Variants in OCA2 observed in about 807,000 individuals in gnomAD.
The protein encoded by OCA2 is P protein.
A neutral mutation model predicts 100.2 loss-of-function variants in OCA2; 77 were observed. That is an observed-to-expected ratio of 0.77 (90% CI 0.64 to 0.93). OCA2 has a LOEUF of 0.93. Ranked by LOEUF, OCA2 falls within the 40% of genes least tolerant of loss-of-function variation. The pLI is 0.00. For missense variants in OCA2, 1,062 were observed against 1,089.1 expected (o/e 0.98, Z 0.35); for synonymous variants, 432 against 439.2 (o/e 0.98, Z 0.21).
At chr15:27,800,785 TA>T (rs1406435151) in intron 23 of OCA2, among the ~76,000 whole-genome samples, 2 of 142,934 alleles carry the variant, frequency 1.4e-5, no homozygotes, top group Non-Finnish European at 3.0e-5. Context: ...GGCAACATGG[TA>T]AAACCCTATC....
chr15:27,769,091 C>T (rs539830636), intron 23 of OCA2, among the ~76,000 whole-genome samples: 1 of 152,170 alleles, frequency 6.6e-6, no homozygotes, highest in Non-Finnish European at 1.5e-5. Context: ...TGTCTTGCAC[C>T]CTAAGCCTCT....
intron 22 of OCA2, among the ~76,000 whole-genome samples, chr15:27,850,334 G>C (rs139420023): frequency 6.6e-6 from 1 of 152,168 alleles, no homozygotes; most frequent in Non-Finnish European, 1.5e-5. Flanking sequence ...ACAGCAGGGG[G>C]GTGAATTCAC....
intron 19 of OCA2, among the ~76,000 whole-genome samples, chr15:27,919,933 A>T (rs1466885168): frequency 6.6e-6 from 1 of 152,196 alleles, no homozygotes; most frequent in African/African-American, 2.4e-5. Context: ...TGTGAACCTA[A>T]AACTATTCTT....
At chr15:27,985,244 G>C in intron 12 of OCA2, 56 bp from the exon 13 acceptor site, 4 of 1,605,390 alleles carry the variant, frequency 2.5e-6, no homozygotes, top group Non-Finnish European at 2.6e-6. Context: ...TCGTAGAACA[G>C]AGGCAGCCTT....
intron 9 of OCA2, among the ~76,000 whole-genome samples, chr15:27,993,432 G>T (rs529121245): frequency 5.6e-4 from 86 of 152,276 alleles, no homozygotes; most frequent in African/African-American, 2.0e-3. Flanking sequence ...TCCTCGTGGG[G>T]CCTTGTTTGC....
intron 23 of OCA2, among the ~76,000 whole-genome samples, chr15:27,765,031 G>A (rs992513654): frequency 1.3e-5 from 2 of 152,168 alleles, no homozygotes; most frequent in Admixed American, 1.3e-4. Flanking sequence ...TCCCAGAACT[G>A]AGGGTTCCTC....
At chr15:27,768,048 T>C (rs1309796376) in intron 23 of OCA2, among the ~76,000 whole-genome samples, 1 of 152,066 alleles carries the variant, frequency 6.6e-6, no homozygotes, top group African/African-American at 2.4e-5. Flanking sequence ...GGCTTCCAGC[T>C]GAAAGCGGTT....
chr15:27,795,425 C>A (rs542339806), intron 23 of OCA2, among the ~76,000 whole-genome samples: 1 of 152,012 alleles, frequency 6.6e-6, no homozygotes, highest in South Asian at 2.1e-4. Context: ...CGCTGTTGAC[C>A]CAGTTTCTCC....
At chr15:28,080,313 T>C (rs2044579258) in intron 2 of OCA2, among the ~76,000 whole-genome samples, 2 of 152,194 alleles carry the variant, frequency 1.3e-5, no homozygotes, top group South Asian at 4.1e-4. Flanking sequence ...CAGAGAACAT[T>C]TGCTGCAGGC....
intron 19 of OCA2, among the ~76,000 whole-genome samples, chr15:27,877,740 G>C (rs1468753289): frequency 6.6e-6 from 1 of 151,842 alleles, no homozygotes; most frequent in Non-Finnish European, 1.5e-5. Context: ...AAGATCAAGG[G>C]TAAAAGTATG....
At chr15:28,000,334 G>C (rs1163744312) in intron 9 of OCA2, among the ~76,000 whole-genome samples, 2 of 152,160 alleles carry the variant, frequency 1.3e-5, no homozygotes, top group African/African-American at 4.8e-5. Flanking sequence ...ACTAATATTT[G>C]ACAAGAATGC....
At chr15:27,959,386 A>G (rs1027492881) in intron 15 of OCA2, among the ~76,000 whole-genome samples, 1 of 151,880 alleles carries the variant, frequency 6.6e-6, no homozygotes, top group Non-Finnish European at 1.5e-5. Flanking sequence ...AAGTGAAGGA[A>G]AAAACTAATG....
At chr15:27,894,895 T>C (rs2037622979) in intron 19 of OCA2, among the ~76,000 whole-genome samples, 1 of 152,210 alleles carries the variant, frequency 6.6e-6, no homozygotes, top group Non-Finnish European at 1.5e-5. Context: ...GATGCATCAC[T>C]GCACTCAGCA....
At chr15:27,935,661 G>A (rs915721415) in intron 18 of OCA2, among the ~76,000 whole-genome samples, 25 of 152,182 alleles carry the variant, frequency 1.6e-4, no homozygotes, top group Admixed American at 1.2e-3. Flanking sequence ...ATGCTGCCAC[G>A]TTATATTCCT....
At chr15:27,953,537 G>C (rs909336830) in intron 17 of OCA2, among the ~76,000 whole-genome samples, 1 of 152,204 alleles carries the variant, frequency 6.6e-6, no homozygotes, top group South Asian at 2.1e-4. Flanking sequence ...TTCTCACCAG[G>C]CATGAGGGGA....
intron 23 of OCA2, among the ~76,000 whole-genome samples, chr15:27,822,718 C>A (rs978568709): frequency 3.3e-5 from 5 of 152,146 alleles, no homozygotes; most frequent in African/African-American, 1.2e-4. Context: ...TGAAATTGCT[C>A]ATTTTTCTAT....
At chr15:28,088,554 G>T (rs1030312464) in intron 1 of OCA2, among the ~76,000 whole-genome samples, 1 of 152,122 alleles carries the variant, frequency 6.6e-6, no homozygotes, top group Non-Finnish European at 1.5e-5. Flanking sequence ...TTTTCCCTAA[G>T]TGTCGGCTGG....
rs373571710 is a variant in OCA2, at chr15:27,885,739, A to T, written c.2080-13817T>A. Among the ~76,000 whole-genome samples the T allele has an allele frequency of 3.0e-5, 4 of 135,332 alleles. No individual in the cohort carries two copies. The South Asian group carries it at 1.1e-3, about 36-fold the overall frequency. 88.8% of individuals were successfully genotyped at this position (135,332 alleles called of 152,430 possible). On this transcript the variant is annotated intron_variant, in intron 19 of 23. Coordinates refer to ENST00000354638, the MANE Select transcript of OCA2 (RefSeq NM_000275.3). ...CAGCATCCCATATTGCTTAGTCTCC[A>T]TTCACTCCTTTATTTGTTTGATGTG... is the stretch of plus-strand genomic sequence containing the variant.
rs371047020 is a variant in OCA2 at position 27,997,106 on chromosome 15, GA to G, written c.1045-6460del. Among the ~76,000 whole-genome samples, 375 of 46,082 alleles carry G rather than the reference GA, an allele frequency of 8.1e-3. 1 individual carries two copies. The highest frequency in any genetic ancestry group is 0.018 in the Non-Finnish European group (194 of 10,860). 30.2% of individuals were successfully genotyped at this position (46,082 alleles called of 152,430 possible). On this transcript the variant is annotated intron_variant, in intron 9 of 23. Transcript: ENST00000354638. ...AGAGAGAAAGAAAGAAAGGAAGAAA[GA>G]AAAGAAAGGAAGGAAGGAAGGAAGA...
Sources: allele counts gnomAD v4.1 joint callset (sites outside exome capture counted in the v4.1 genomes callset), GRCh38; gene constraint gnomAD v4.1.1; transcripts MANE v1.5; gene names NCBI Gene and HGNC (gene_info 2026-07-23, HGNC 2026-07-21).